The following ADAM12 variants were observed in gnomAD, a reference collection of about 807,000 sequenced individuals.
ADAM12 encodes ADAM metallopeptidase domain 12.
Under a neutral mutation model 106.4 loss-of-function variants are expected in ADAM12, and 70 were observed. That is an observed-to-expected ratio of 0.66 (90% CI 0.54 to 0.80). The LOEUF (loss-of-function observed/expected upper bound fraction) is 0.80. Among genes scored for constraint, ADAM12 ranks in the 30% least tolerant of loss-of-function variants. ADAM12 has a pLI of 0.00. For synonymous variants in ADAM12, 420 were observed against 433.5 expected (o/e 0.97, Z 0.39); for missense variants, 1,010 against 1,171.9 (o/e 0.86, Z 2.02).
intron 3 of ADAM12, among the ~76,000 whole-genome samples, chr10:126,168,035 C>T (rs1957055121): frequency 6.6e-6 from 1 of 152,198 alleles, no homozygotes; most frequent in African/African-American, 2.4e-5. Context: ...TTTCTCCCTT[C>T]CTGTCCCAGA....
At chr10:126,142,286 A>G (rs990140181) in intron 4 of ADAM12, among the ~76,000 whole-genome samples, 8 of 152,222 alleles carry the variant, frequency 5.3e-5, no homozygotes, top group Non-Finnish European at 1.0e-4. Context: ...AGAGCCCTGA[A>G]CAGAGATTTA....
chr10:126,375,048 C>A (rs2133925673), intron 1 of ADAM12, among the ~76,000 whole-genome samples: 1 of 152,210 alleles, frequency 6.6e-6, no homozygotes, highest in Admixed American at 6.5e-5. Flanking sequence ...AAGGATACAA[C>A]AGGTAATATC....
At position 126,388,206 on chromosome 10, in the gene ADAM12, G is replaced by C; in HGVS notation, c.-61C>G. The C allele has an allele frequency of 1.7e-6, 2 of 1,197,230 alleles. No homozygotes were observed. Among genetic ancestry groups the C allele is most frequent in the South Asian group, 8.3e-5 (2 of 24,052 alleles). 74.2% of individuals were successfully genotyped at this position (1,197,230 alleles called of 1,614,324 possible). A position where few individuals can be genotyped will look rare whatever the true frequency, so the allele number is the denominator to read the frequency against. ...GGCGGCGAGCGCTGCACCATCCCAC[G>C]CGGGCGCCGAGCCGGGGCCGGGCGT... is the stretch of plus-strand genomic sequence containing the variant. On this transcript the variant is annotated 5_prime_UTR_variant, in exon 1 of 23. Transcript: ENST00000448723. The surrounding 1 kb of genome is among the most constrained non-coding windows in gnomAD (Gnocchi z 4.4).
At chr10:126,177,347 G>A (rs555457775) in intron 3 of ADAM12, among the ~76,000 whole-genome samples, 3 of 151,778 alleles carry the variant, frequency 2.0e-5, no homozygotes, top group South Asian at 2.1e-4. Context: ...GACGGCCACC[G>A]TTTATGGAAC....
chr10:126,303,967 G>T (rs1222349706), intron 2 of ADAM12, among the ~76,000 whole-genome samples: 1 of 152,106 alleles, frequency 6.6e-6, no homozygotes, highest in African/African-American at 2.4e-5. Flanking sequence ...AGTCTTTCTT[G>T]ATCAGACCTC....
At chr10:126,299,456 G>C (rs1960522651) in intron 2 of ADAM12, among the ~76,000 whole-genome samples, 1 of 152,144 alleles carries the variant, frequency 6.6e-6, no homozygotes, top group Non-Finnish European at 1.5e-5. Flanking sequence ...GGAAAACTCA[G>C]AGAAGTTCAG....
chr10:126,334,589 T>C (rs948990565), intron 1 of ADAM12, among the ~76,000 whole-genome samples: 6 of 152,080 alleles, frequency 3.9e-5, no homozygotes, highest in African/African-American at 9.7e-5. Flanking sequence ...CTAGTCAAGA[T>C]TGCAATGAAA....
At chr10:126,246,169 C>A (rs1958625473) in intron 3 of ADAM12, among the ~76,000 whole-genome samples, 2 of 152,116 alleles carry the variant, frequency 1.3e-5, no homozygotes, top group Non-Finnish European at 2.9e-5. Context: ...GCCTAAGATA[C>A]AGGTGAACAA....
chr10:126,324,933 A>G (rs1854239593), intron 2 of ADAM12, among the ~76,000 whole-genome samples: 1 of 151,970 alleles, frequency 6.6e-6, no homozygotes, highest in Admixed American at 6.6e-5. Flanking sequence ...ACAGCGGTTC[A>G]CACAGTGGGA....
intron 1 of ADAM12, among the ~76,000 whole-genome samples, chr10:126,374,236 C>T (rs982524995): frequency 6.6e-6 from 1 of 152,158 alleles, no homozygotes; most frequent in Non-Finnish European, 1.5e-5. Context: ...ACAGACTCTG[C>T]TCCACAGGAA....
intron 5 of ADAM12, among the ~76,000 whole-genome samples, chr10:126,124,006 G>C (rs553751407): frequency 1.3e-5 from 2 of 152,126 alleles, no homozygotes; most frequent in African/African-American, 4.8e-5. Context: ...CTCAAGATAA[G>C]TTTTTGTCCT....
intron 3 of ADAM12, among the ~76,000 whole-genome samples, chr10:126,226,969 GA>G (rs1350828475): frequency 6.6e-6 from 1 of 152,084 alleles, no homozygotes; most frequent in African/African-American, 2.4e-5. Flanking sequence ...CTTGTTCTCT[GA>G]AAATAACTGC....
At chr10:126,265,007 G>T (rs1472054447) in intron 3 of ADAM12, among the ~76,000 whole-genome samples, 2 of 152,146 alleles carry the variant, frequency 1.3e-5, no homozygotes, top group African/African-American at 2.4e-5. Context: ...TATCTATATG[G>T]GTAATTTATG....
intron 4 of ADAM12, among the ~76,000 whole-genome samples, chr10:126,145,163 C>T (rs1465432079): frequency 1.3e-5 from 2 of 152,246 alleles, no homozygotes; most frequent in East Asian, 3.9e-4. Flanking sequence ...GGGGCTGCAT[C>T]CTCCCTTCTG....
intron 3 of ADAM12, among the ~76,000 whole-genome samples, chr10:126,194,886 A>T (rs1328925210): frequency 1.3e-5 from 2 of 152,162 alleles, no homozygotes; most frequent in African/African-American, 4.8e-5. Context: ...GGATAATCAG[A>T]CCTCATGTGG....
chr10:126,238,898 T>C (rs1958470068), intron 3 of ADAM12, among the ~76,000 whole-genome samples: 1 of 152,220 alleles, frequency 6.6e-6, no homozygotes, highest in African/African-American at 2.4e-5. Context: ...TTTCCCTGTC[T>C]TTCTTTTTTA....
At chr10:126,299,704 C>T (rs1055251318) in intron 2 of ADAM12, among the ~76,000 whole-genome samples, 3 of 151,980 alleles carry the variant, frequency 2.0e-5, no homozygotes, top group Non-Finnish European at 4.4e-5. Flanking sequence ...AGTGCAGTGG[C>T]GCAATGTCGG....
intron 1 of ADAM12, among the ~76,000 whole-genome samples, chr10:126,346,221 G>C (rs1226116247): frequency 6.6e-6 from 1 of 152,050 alleles, no homozygotes; most frequent in Non-Finnish European, 1.5e-5. Flanking sequence ...GGTATGTTGT[G>C]TCTTTGTTCT....
chr10:126,252,707 G>A (rs959951647), intron 3 of ADAM12, among the ~76,000 whole-genome samples: 2 of 151,956 alleles, frequency 1.3e-5, no homozygotes, highest in Admixed American at 6.6e-5. Flanking sequence ...CAATTCAAAT[G>A]CTGATCTCTT....
Sources: allele counts gnomAD v4.1 joint callset (sites outside exome capture counted in the v4.1 genomes callset), GRCh38; gene constraint gnomAD v4.1.1; non-coding constraint Gnocchi (gnomAD v3.1); transcripts MANE v1.5; gene names NCBI Gene and HGNC (gene_info 2026-07-23, HGNC 2026-07-21).